The following PRKG1 variants were observed in gnomAD, a reference collection of about 807,000 sequenced individuals.
PRKG1 encodes protein kinase cGMP-dependent 1.
PRKG1 carries 35 observed loss-of-function variants against 88.1 expected under a neutral mutation model. The observed-to-expected ratio is 0.40, with a 90% CI of 0.30 to 0.53. The LOEUF (loss-of-function observed/expected upper bound fraction) is 0.53. PRKG1 is among the 20% of genes least tolerant of loss of function. The probability of loss-of-function intolerance (pLI) is 0.59; values close to 1 mark genes in which losing one functional copy is unlikely to be tolerated. For missense variants in PRKG1, 540 were observed against 839.8 expected, an observed-to-expected ratio of 0.64 and a Z score of 4.41; for synonymous variants, 303 against 292.5, an observed-to-expected ratio of 1.04 and a Z score of -0.37.
At chr10:51,797,606 T>C (rs1294325764) in intron 3 of PRKG1, among the ~76,000 whole-genome samples, 1 of 147,808 alleles carries the variant, frequency 6.8e-6, no homozygotes, top group Non-Finnish European at 1.5e-5. Flanking sequence ...TATATAAATA[T>C]ACAAATAAAA....
At chr10:52,269,411 A>AT (rs894434484) in intron 10 of PRKG1, among the ~76,000 whole-genome samples, 1 of 151,970 alleles carries the variant, frequency 6.6e-6, no homozygotes, top group Non-Finnish European at 1.5e-5. Flanking sequence ...TCAAATACCC[A>AT]TTTTTCCCTC....
chr10:51,589,974 T>C (rs1441143299), intron 3 of PRKG1, among the ~76,000 whole-genome samples: 1 of 152,134 alleles, frequency 6.6e-6, no homozygotes, highest in Non-Finnish European at 1.5e-5. Flanking sequence ...TAGGAGATCA[T>C]AGAAGATCAA....
chr10:51,138,828 A>C (rs556762020), intron 1 of PRKG1, among the ~76,000 whole-genome samples: 157 of 151,670 alleles, frequency 1.0e-3, no homozygotes, highest in African/African-American at 3.4e-3. Flanking sequence ...GATTACAGGC[A>C]TGCGCCACCA....
intron 3 of PRKG1, among the ~76,000 whole-genome samples, chr10:51,725,746 G>A (rs1347745777): frequency 2.6e-5 from 4 of 151,702 alleles, no homozygotes; most frequent in Admixed American, 6.6e-5. Flanking sequence ...CGATCCTCCT[G>A]CCTCAACCTA....
At chr10:51,710,715 T>A in intron 3 of PRKG1, among the ~76,000 whole-genome samples, 1 of 152,208 alleles carries the variant, frequency 6.6e-6, no homozygotes, top group Non-Finnish European at 1.5e-5. Flanking sequence ...AATTTAAATA[T>A]CATTGTGCTT....
intron 2 of PRKG1, among the ~76,000 whole-genome samples, chr10:51,301,726 G>A (rs1392781863): frequency 6.6e-6 from 1 of 152,158 alleles, no homozygotes; most frequent in Non-Finnish European, 1.5e-5. Context: ...CACCAGTGTG[G>A]GGACCACTTT....
intron 2 of PRKG1, among the ~76,000 whole-genome samples, chr10:51,310,801 C>G (rs996004703): frequency 5.3e-5 from 8 of 152,062 alleles, no homozygotes; most frequent in African/African-American, 1.9e-4. Context: ...ATGGACCTTG[C>G]CCTCTAGGTG....
At chr10:51,780,435 C>T (rs919180472) in intron 3 of PRKG1, among the ~76,000 whole-genome samples, 2 of 152,074 alleles carry the variant, frequency 1.3e-5, no homozygotes, top group Admixed American at 6.6e-5. Context: ...ATTTTTCTGT[C>T]TTCAGTATTT....
At chr10:51,701,695 A>G (rs1336954076) in intron 3 of PRKG1, among the ~76,000 whole-genome samples, 1 of 150,972 alleles carries the variant, frequency 6.6e-6, no homozygotes, top group East Asian at 1.9e-4. Flanking sequence ...GTCAAGGGTA[A>G]CTTACAAGTT....
intron 9 of PRKG1, among the ~76,000 whole-genome samples, chr10:52,178,539 T>A (rs572638847): frequency 2.2e-4 from 34 of 152,210 alleles, no homozygotes; most frequent in Admixed American, 3.9e-4. Context: ...TTAAATCTAA[T>A]GTTTCTTTGT....
intron 2 of PRKG1, among the ~76,000 whole-genome samples, chr10:51,160,598 T>C (rs1314054538): frequency 1.3e-5 from 2 of 152,214 alleles, no homozygotes; most frequent in African/African-American, 2.4e-5. Flanking sequence ...ACAATTTATA[T>C]TGACAAACAT....
At position 52,201,882 on chromosome 10, in the gene PRKG1, A is replaced by G. The variant is rs115664167; in HGVS notation, c.1076+39919A>G. 3.6e-3 allele frequency among the ~76,000 whole-genome samples: 552 copies of G among 152,108 alleles called. 2 individuals carry two copies. Among genetic ancestry groups the G allele is most frequent in the African/African-American group, 0.013 (520 of 41,492 alleles). On this transcript the variant is annotated intron_variant, in intron 9 of 17. Transcript: ENST00000373980. Reference sequence around the variant, plus strand: ...TGAATGTTGTTGTTATAGAAATGCAACTGATATATGTGCATTGATTTTGTG... The same window carrying G: ...TGAATGTTGTTGTTATAGAAATGCAGCTGATATATGTGCATTGATTTTGTG...
intron 1 of PRKG1, among the ~76,000 whole-genome samples, chr10:51,004,947 C>CT (rs1341797982): frequency 6.6e-6 from 1 of 152,056 alleles, no homozygotes; most frequent in East Asian, 1.9e-4. Context: ...CTCTCAGCTA[C>CT]TTTTTTTTCA....
chr10:51,738,503 A>G (rs1379807859), intron 3 of PRKG1, among the ~76,000 whole-genome samples: 3 of 152,230 alleles, frequency 2.0e-5, no homozygotes, highest in South Asian at 2.1e-4. Context: ...GTGTGGCACA[A>G]TATATGACAA....
At chr10:52,150,667 A>C (rs562148395) in intron 8 of PRKG1, among the ~76,000 whole-genome samples, 2 of 152,326 alleles carry the variant, frequency 1.3e-5, no homozygotes, top group Admixed American at 1.3e-4. Context: ...ATTGATATTT[A>C]TAAAAATGTT....
At chr10:51,268,869 C>T (rs35069383) in intron 2 of PRKG1, among the ~76,000 whole-genome samples, 34,752 of 152,066 alleles carry the variant, frequency 0.23, 4,090 homozygotes, top group East Asian at 0.38. Context: ...TAAAGACAGG[C>T]GTAAGACATT....
intron 3 of PRKG1, among the ~76,000 whole-genome samples, chr10:51,603,013 A>G (rs1838658115): frequency 6.6e-6 from 1 of 152,002 alleles, no homozygotes; most frequent in South Asian, 2.1e-4. Flanking sequence ...GCTGGAGTAC[A>G]GTGGCGCAAT....
At chr10:51,951,758 A>G (rs12255097) in intron 5 of PRKG1, among the ~76,000 whole-genome samples, 2,326 of 152,306 alleles carry the variant, frequency 0.015, 53 homozygotes, top group African/African-American at 0.051. Flanking sequence ...ATTTTCTATC[A>G]ACTACTGTTC....
At chr10:51,722,683 G>A (rs955040157) in intron 3 of PRKG1, among the ~76,000 whole-genome samples, 1 of 152,086 alleles carries the variant, frequency 6.6e-6, no homozygotes, top group African/African-American at 2.4e-5. Context: ...ATTCTTACTG[G>A]AAAACCATAG....
Sources: allele counts gnomAD v4.1 joint callset (sites outside exome capture counted in the v4.1 genomes callset), GRCh38; gene constraint gnomAD v4.1.1; transcripts MANE v1.5; gene names NCBI Gene and HGNC (gene_info 2026-07-23, HGNC 2026-07-21).